Variants in TBC1D14 observed in about 807,000 individuals in gnomAD.
TBC1D14 encodes TBC1 domain family, member 14.
A neutral mutation model predicts 79.0 loss-of-function variants in TBC1D14; 26 were observed. The ratio of observed to expected loss-of-function variants is 0.33; its 90% CI spans 0.24 to 0.46. The LOEUF (loss-of-function observed/expected upper bound fraction) is 0.46. TBC1D14 is among the 20% of genes least tolerant of loss of function. TBC1D14 has a pLI of 1.00. For missense variants in TBC1D14, 769 were observed against 887.6 expected (o/e 0.87, Z 1.70); for synonymous variants, 394 against 349.9 (o/e 1.13, Z -1.40).
chr4:7,027,522 CCA>C (rs955183446), intron 13 of TBC1D14, among the ~76,000 whole-genome samples: 5 of 149,326 alleles, frequency 3.3e-5, no homozygotes, highest in East Asian at 2.0e-4. Context: ...CCCAGTCACC[CCA>C]CACACACATC....
At chr4:6,990,999 T>C (rs1293089364) in intron 3 of TBC1D14, among the ~76,000 whole-genome samples, 1 of 152,252 alleles carries the variant, frequency 6.6e-6, no homozygotes, top group Non-Finnish European at 1.5e-5. Flanking sequence ...CTTACTGTTG[T>C]CACCTCCAGG....
At position 6,923,704 on chromosome 4, in the gene TBC1D14, C is replaced by CGCGCTGCCATCCTGT. The variant is rs772197062; in HGVS notation, c.320_334dup (p.Leu107_Ala111dup). On this transcript the variant is annotated inframe_insertion, in exon 2 of 14. Transcript: ENST00000409757. ...CCGAGCGGGCCTTCCAGAGCGCCTG[C>CGCGCTGCCATCCTGT]GCGCTGCCATCCTGTGCGCCACCAG... The CGCGCTGCCATCCTGT allele has an allele frequency of 2.5e-6, 4 of 1,613,824 alleles. No individual in the cohort carries two copies. The highest frequency in any genetic ancestry group is 1.7e-5 in the Admixed American group (1 of 60,032).
intron 2 of TBC1D14, among the ~76,000 whole-genome samples, chr4:6,924,412 G>C (rs1321277598): frequency 6.6e-6 from 1 of 152,166 alleles, no homozygotes; most frequent in Admixed American, 6.5e-5. Flanking sequence ...GAGCCTCTGC[G>C]GGGCCCTGTG....
chr4:6,984,680 C>T (rs1004205757), intron 3 of TBC1D14, among the ~76,000 whole-genome samples: 12 of 152,200 alleles, frequency 7.9e-5, no homozygotes, highest in African/African-American at 2.9e-4. Context: ...CCAGGCCTTT[C>T]TCTGAGACAA....
chr4:6,982,892 C>CA (rs1243386366), intron 3 of TBC1D14, among the ~76,000 whole-genome samples: 1 of 152,150 alleles, frequency 6.6e-6, no homozygotes, highest in Non-Finnish European at 1.5e-5. Flanking sequence ...AGGGTACTTA[C>CA]AAAATAGCTA....
At chr4:6,956,469 G>A (rs1356878153) in intron 2 of TBC1D14, among the ~76,000 whole-genome samples, 1 of 152,212 alleles carries the variant, frequency 6.6e-6, no homozygotes, top group Admixed American at 6.5e-5. Flanking sequence ...CGCCATCCCC[G>A]CTGATGGCTC....
chr4:6,994,860 G>A (rs564274921), intron 4 of TBC1D14, among the ~76,000 whole-genome samples: 14 of 130,494 alleles, frequency 1.1e-4, no homozygotes, highest in Admixed American at 3.8e-4. Context: ...GCAAAACTCC[G>A]TCTCAAAAAA....
intron 2 of TBC1D14, among the ~76,000 whole-genome samples, chr4:6,950,626 T>TA (rs1312679158): frequency 2.6e-5 from 4 of 152,220 alleles, no homozygotes; most frequent in Non-Finnish European, 5.9e-5. Context: ...AAAGGTGTTT[T>TA]AAAAAAATTA....
chr4:7,016,789 C>T (rs1013258482), intron 12 of TBC1D14, among the ~76,000 whole-genome samples: 18 of 152,202 alleles, frequency 1.2e-4, no homozygotes, highest in Admixed American at 7.2e-4. Context: ...GATCCACTGG[C>T]TGTTGTCTGG....
intron 7 of TBC1D14, among the ~76,000 whole-genome samples, chr4:7,002,953 CGT>C (rs1239299127): frequency 6.6e-6 from 1 of 152,106 alleles, no homozygotes; most frequent in Non-Finnish European, 1.5e-5. Context: ...GTCTCTGGCT[CGT>C]GTGTGTGGGG....
In TBC1D14 at chr4:6,982,604, T is replaced by C. The variant is rs551979038; in HGVS notation, c.844-11580T>C. Among the ~76,000 whole-genome samples, 6 of 152,246 alleles carry C rather than the reference T, an allele frequency of 3.9e-5. No individual in the cohort carries two copies. The South Asian group carries it at 1.0e-3, about 26-fold the overall frequency. On this transcript the variant is annotated intron_variant, in intron 3 of 13. Coordinates refer to ENST00000409757, the MANE Select transcript of TBC1D14 (RefSeq NM_020773.3). ...TGTTAATTCAAAAAATTAACATGAATTAATGGATCATTTAGGGTTCTTTTG... is the reference window on the plus strand; with the variant it reads ...TGTTAATTCAAAAAATTAACATGAACTAATGGATCATTTAGGGTTCTTTTG...
intron 3 of TBC1D14, among the ~76,000 whole-genome samples, chr4:6,968,688 C>CTGACT (rs55781424): frequency 6.9e-6 from 1 of 144,360 alleles, no homozygotes; most frequent in South Asian, 2.2e-4. Context: ...GGAGGCTGAC[C>CTGACT]GCCGAGAGGA....
intron 2 of TBC1D14, among the ~76,000 whole-genome samples, chr4:6,956,553 T>G (rs1459457664): frequency 6.6e-6 from 1 of 152,188 alleles, no homozygotes; most frequent in Non-Finnish European, 1.5e-5. Flanking sequence ...CCGGTCCCCC[T>G]TCACTCTCGC....
chr4:6,926,159 C>T (rs1283632266), intron 2 of TBC1D14, among the ~76,000 whole-genome samples: 2 of 152,228 alleles, frequency 1.3e-5, no homozygotes, highest in African/African-American at 2.4e-5. Flanking sequence ...CCTTTGTCCT[C>T]GCACGTTCTG....
At chr4:7,006,572 C>T (rs1022671618) in intron 8 of TBC1D14, 60 bp from the exon 9 acceptor site, 7 of 1,484,966 alleles carry the variant, frequency 4.7e-6, no homozygotes, top group African/African-American at 4.2e-5. Context: ...TTCAAAGGCT[C>T]GTAATTGTCC....
intron 2 of TBC1D14, among the ~76,000 whole-genome samples, chr4:6,961,236 T>TA: frequency 1.3e-5 from 2 of 152,270 alleles, no homozygotes; most frequent in African/African-American, 4.8e-5. Context: ...TGGCCGGGTG[T>TA]GGCCTGATCC....
At chr4:6,991,785 G>A (rs947720639) in intron 3 of TBC1D14, among the ~76,000 whole-genome samples, 2 of 152,224 alleles carry the variant, frequency 1.3e-5, no homozygotes, top group Non-Finnish European at 2.9e-5. Flanking sequence ...AACCCAGTGT[G>A]CACGCGTAAA....
At chr4:6,925,915 G>T (rs1724258335) in intron 2 of TBC1D14, among the ~76,000 whole-genome samples, 2 of 152,168 alleles carry the variant, frequency 1.3e-5, no homozygotes, top group Admixed American at 1.3e-4. Context: ...CAGCGAGAAG[G>T]GCCTGAGGAT....
chr4:6,929,393 C>A (rs1245179373), intron 2 of TBC1D14, among the ~76,000 whole-genome samples: 1 of 152,176 alleles, frequency 6.6e-6, no homozygotes, highest in Non-Finnish European at 1.5e-5. Context: ...AGTCCCTCTA[C>A]TGTGTGATGA....
Sources: allele counts gnomAD v4.1 joint callset (sites outside exome capture counted in the v4.1 genomes callset), GRCh38; gene constraint gnomAD v4.1.1; transcripts MANE v1.5; gene names NCBI Gene and HGNC (gene_info 2026-07-23, HGNC 2026-07-21).